PARD3B: variants seen among roughly 807,000 people sequenced by gnomAD.
PARD3B encodes par-3 family cell polarity regulator beta.
In PARD3B, 103 loss-of-function variants were observed where a neutral mutation model predicts 130.2. The ratio of observed to expected loss-of-function variants is 0.79; its 90% CI spans 0.67 to 0.93. The LOEUF (loss-of-function observed/expected upper bound fraction) is 0.93, where lower values mean the gene tolerates loss of function less well. Among genes scored for constraint, PARD3B ranks in the 40% least tolerant of loss-of-function variants. PARD3B has a pLI of 0.00. For missense variants in PARD3B, 1,609 were observed against 1,499.2 expected (o/e 1.07, Z -1.21); for synonymous variants, 583 against 553.2 (o/e 1.05, Z -0.76).
chr2:205,310,954 C>T (rs538163618), intron 18 of PARD3B, among the ~76,000 whole-genome samples: 1 of 152,070 alleles, frequency 6.6e-6, no homozygotes, highest in East Asian at 1.9e-4. Context: ...AAATTCCTGA[C>T]CTCGTGATCT....
At chr2:204,816,144 A>T (rs1326372637) in intron 2 of PARD3B, among the ~76,000 whole-genome samples, 1 of 151,994 alleles carries the variant, frequency 6.6e-6, no homozygotes, top group Non-Finnish European at 1.5e-5. Flanking sequence ...AGCACTTTAC[A>T]TACAGTATAA....
At chr2:205,540,626 T>C (rs1303871715) in intron 21 of PARD3B, among the ~76,000 whole-genome samples, 6 of 152,180 alleles carry the variant, frequency 3.9e-5, no homozygotes, top group Admixed American at 3.9e-4. Context: ...GTCATTATTT[T>C]GATTAAAAAG....
At chr2:204,883,904 A>AT (rs1363926790) in intron 2 of PARD3B, among the ~76,000 whole-genome samples, 1 of 150,166 alleles carries the variant, frequency 6.7e-6, no homozygotes, top group Non-Finnish European at 1.5e-5. Flanking sequence ...TGCCCAGCTA[A>AT]TTTTTTGTGT....
At chr2:205,027,472 A>T (rs902559013) in intron 3 of PARD3B, among the ~76,000 whole-genome samples, 1 of 152,102 alleles carries the variant, frequency 6.6e-6, no homozygotes, top group Non-Finnish European at 1.5e-5. Context: ...TCCCTCATCA[A>T]ATATACAGTT....
At position 204,890,471 on chromosome 2, in the gene PARD3B, G is replaced by A. The variant is rs1052924504; in HGVS notation, c.223-74681G>A. On this transcript the variant is annotated intron_variant, in intron 2 of 22. Transcript: ENST00000406610. The surrounding 1 kb of genome is among the most constrained non-coding windows in gnomAD (Gnocchi z 4.9). ...AAATATATGCTTCTGACCAAAACAT[G>A]TATACATTGAATATATATTAAATTT... Among the ~76,000 whole-genome samples the A allele has an allele frequency of 1.3e-5, 2 of 152,124 alleles. No individual in the cohort carries two copies. Among genetic ancestry groups the A allele is most frequent in the Admixed American group, 1.3e-4 (2 of 15,264 alleles).
rs1273582854 is a variant in PARD3B at position 205,238,849 on chromosome 2, A to AAATAT, written c.2141-6928_2141-6927insATATA. On this transcript the variant is annotated intron_variant, in intron 15 of 22. Coordinates refer to ENST00000406610, the MANE Select transcript of PARD3B (RefSeq NM_001302769.2). Reference sequence around the variant, plus strand: ...AAACTCCGTTTCAAAAAAAAAAAAAAATATATATATATATATATATATATA... The same window carrying AAATAT: ...AAACTCCGTTTCAAAAAAAAAAAAAAAATATATATATATATATATATATATATATA... Among the ~76,000 whole-genome samples the AAATAT allele has an allele frequency of 6.1e-4, 47 of 76,896 alleles. 2 individuals are homozygous for AAATAT. The highest frequency in any genetic ancestry group is 9.1e-3 in the Middle Eastern group (1 of 110). 50.4% of individuals were successfully genotyped at this position (76,896 alleles called of 152,430 possible). A position where few individuals can be genotyped will look rare whatever the true frequency, so the allele number is the denominator to read the frequency against.
At chr2:205,504,981 G>C (rs1321408752) in intron 21 of PARD3B, among the ~76,000 whole-genome samples, 1 of 152,168 alleles carries the variant, frequency 6.6e-6, no homozygotes, top group Non-Finnish European at 1.5e-5. Flanking sequence ...CAAAGACTTG[G>C]AACCAAGCCA....
At chr2:205,035,767 A>G (rs781072603) in intron 3 of PARD3B, among the ~76,000 whole-genome samples, 5 of 143,210 alleles carry the variant, frequency 3.5e-5, no homozygotes, top group Non-Finnish European at 6.0e-5. Flanking sequence ...ATAATCCACT[A>G]TATCTATCTA....
At chr2:204,919,974 C>T (rs2125747680) in intron 2 of PARD3B, among the ~76,000 whole-genome samples, 1 of 151,788 alleles carries the variant, frequency 6.6e-6, no homozygotes, top group Admixed American at 6.5e-5. Context: ...ACATGAATTT[C>T]TCTTGCAGAG....
intron 15 of PARD3B, among the ~76,000 whole-genome samples, chr2:205,232,559 A>G (rs1460556098): frequency 6.6e-6 from 1 of 152,236 alleles, no homozygotes; most frequent in East Asian, 1.9e-4. Flanking sequence ...AATAAGACAT[A>G]TAATAAGGAA....
chr2:204,950,970 T>C, intron 2 of PARD3B, among the ~76,000 whole-genome samples: 1 of 152,206 alleles, frequency 6.6e-6, no homozygotes, highest in East Asian at 1.9e-4. Flanking sequence ...GTATAAAACC[T>C]ACTAAGGGGA....
intron 22 of PARD3B, among the ~76,000 whole-genome samples, chr2:205,600,899 T>C (rs747542248): frequency 2.6e-4 from 39 of 152,362 alleles, no homozygotes; most frequent in Non-Finnish European, 4.3e-4. Context: ...TTATCCAGTC[T>C]GTCATTGATG....
intron 18 of PARD3B, among the ~76,000 whole-genome samples, chr2:205,311,721 T>G (rs2042393167): frequency 6.6e-6 from 1 of 152,242 alleles, no homozygotes; most frequent in Non-Finnish European, 1.5e-5. Flanking sequence ...CATTTATATT[T>G]TATAAGCTTT....
At chr2:205,596,954 G>A (rs946285810) in intron 22 of PARD3B, among the ~76,000 whole-genome samples, 8 of 151,974 alleles carry the variant, frequency 5.3e-5, no homozygotes, top group East Asian at 1.9e-4. Context: ...AAGCAAACTC[G>A]GCACTCCTCA....
intron 22 of PARD3B, among the ~76,000 whole-genome samples, chr2:205,596,229 TCAC>T (rs1295367088): frequency 6.6e-6 from 1 of 152,206 alleles, no homozygotes; most frequent in Non-Finnish European, 1.5e-5. Flanking sequence ...TGGGGGAAAT[TCAC>T]CACAAGTCAT....
At chr2:204,963,728 A>T (rs968942821) in intron 2 of PARD3B, among the ~76,000 whole-genome samples, 10 of 152,116 alleles carry the variant, frequency 6.6e-5, no homozygotes, top group African/African-American at 2.4e-4. Flanking sequence ...TTTCATTATT[A>T]TTAATATATT....
chr2:204,955,285 A>G (rs1182320725), intron 2 of PARD3B, among the ~76,000 whole-genome samples: 2 of 152,264 alleles, frequency 1.3e-5, no homozygotes, highest in African/African-American at 4.8e-5. Flanking sequence ...AATCAAATAC[A>G]TATATGTAGT....
At chr2:204,954,785 A>G (rs1690091215) in intron 2 of PARD3B, among the ~76,000 whole-genome samples, 1 of 152,170 alleles carries the variant, frequency 6.6e-6, no homozygotes, top group South Asian at 2.1e-4. Context: ...CCCTAAAGAT[A>G]TTCATACAGC....
At chr2:205,576,204 C>CTTAA (rs1193361251) in intron 22 of PARD3B, among the ~76,000 whole-genome samples, 1 of 152,000 alleles carries the variant, frequency 6.6e-6, no homozygotes, top group Non-Finnish European at 1.5e-5. Context: ...GGTCTTTGGC[C>CTTAA]CATTTTGTAA....
Sources: allele counts gnomAD v4.1 joint callset (sites outside exome capture counted in the v4.1 genomes callset), GRCh38; gene constraint gnomAD v4.1.1; non-coding constraint Gnocchi (gnomAD v3.1); transcripts MANE v1.5; gene names NCBI Gene and HGNC (gene_info 2026-07-23, HGNC 2026-07-21).